THOP1: variants seen among roughly 807,000 people sequenced by gnomAD.
The protein encoded by THOP1 is thimet oligopeptidase 1, also known as thimet oligopeptidase.
In THOP1, 49 loss-of-function variants were observed where a neutral mutation model predicts 71.8. The observed-to-expected ratio is 0.68, with a 90% CI of 0.54 to 0.87. The LOEUF (loss-of-function observed/expected upper bound fraction) is 0.87. THOP1 is among the 40% of genes least tolerant of loss of function. The pLI is 0.00. For missense variants in THOP1, 843 were observed against 975.6 expected (o/e 0.86, Z 1.81); for synonymous variants, 426 against 421.5 (o/e 1.01, Z -0.13).
In THOP1 at chr19:2,790,628, A is replaced by G. The variant is rs148085682; in HGVS notation, c.224A>G (p.Tyr75Cys). 52 of 1,557,394 alleles carry G rather than the reference A, an allele frequency of 3.3e-5. No homozygotes were observed. The highest frequency in any genetic ancestry group is 4.4e-5 in the Non-Finnish European group (51 of 1,153,602). The change falls in exon 2 of 13, where the codon TAC becomes TGC. Residue 75 changes from tyrosine (Y) to cysteine (C), a missense_variant. Transcript: ENST00000307741. ...LKALADVEVTYTVQRNILDFP... is the reference protein window; with the variant it reads ...LKALADVEVTCTVQRNILDFP... ...GCGCTGGCCGATGTGGAGGTCACCT[A>G]CACAGGTAAGTCCCAGGCAGGGTCT...
In THOP1 at chr19:2,790,586, A is replaced by C; in HGVS notation, c.182A>C (p.Tyr61Ser). The change falls in exon 2 of 13, where the codon TAC becomes TCC. Residue 61 changes from tyrosine (Y) to serine (S), a missense_variant. By Grantham distance (144) the Tyr-to-Ser change is moderately radical (BLOSUM62 -2). Transcript: ENST00000307741. ...ACCCAGGAGTTTGAGGACGTGTCCT[A>C]CGAGAGCACGCTCAAGGCGCTGGCC... ...VGTQEFEDVS[Y>S]ESTLKALADV... is the part of the protein sequence containing the mutation. 6.2e-7 allele frequency: 1 copy of C among 1,601,124 alleles called. No individual in the cohort carries two copies.
In THOP1 at chr19:2,811,668, G is replaced by A. The variant is rs552266179; in HGVS notation, c.1842G>A (p.Trp614Ter). ...GYDAQYYGYL[W>*]SEVYSMDMFH... ...ACGCCCAGTACTACGGGTACCTGTG[G>A]AGCGAGGTGTATTCCATGGACATGT... The change falls in exon 12 of 13, where the codon TGG (tryptophan) becomes TGA (stop). Residue 614 changes from tryptophan (W) to a stop codon, truncating the protein, a stop_gained. Transcript: ENST00000307741. LOFTEE classifies it high-confidence loss of function. 1 of 1,613,484 alleles carries A rather than the reference G, an allele frequency of 6.2e-7. No individual in the cohort carries two copies. The highest frequency in any genetic ancestry group is 1.3e-5 in the African/African-American group (1 of 75,052).
At chr19:2,788,689 C>T (rs1454617544) in intron 1 of THOP1, among the ~76,000 whole-genome samples, 1 of 151,732 alleles carries the variant, frequency 6.6e-6, no homozygotes, top group Non-Finnish European at 1.5e-5. Flanking sequence ...ATGCTGGCCA[C>T]ACTGGTCTTG....
At chr19:2,807,354 C>A (rs922697173) in intron 7 of THOP1, 88 bp from the exon 8 acceptor site, 14 of 1,463,394 alleles carry the variant, frequency 9.6e-6, no homozygotes, top group Non-Finnish European at 1.3e-5. Flanking sequence ...AATGGGGAGC[C>A]TGACGAAGTC....
At position 2,790,711 on chromosome 19, in the gene THOP1, G is replaced by T; in HGVS notation, c.229+78G>T. ...ACCGCAGGCGGGAGTAGCCCAGCCC[G>T]TGGAGCCGGTTCAGAACCTGGCTTG... On this transcript the variant is annotated intron_variant, in intron 2 of 12. Coordinates refer to ENST00000307741, the MANE Select transcript of THOP1 (RefSeq NM_003249.5). 5 of 1,338,512 alleles carry T rather than the reference G, an allele frequency of 3.7e-6. No individual in the cohort carries two copies. In the South Asian group the frequency reaches 8.0e-5, roughly 21 times the overall value. The allele number at this position is 1,338,512 out of a possible 1,614,324, so 82.9% of individuals were successfully genotyped here.
chr19:2,807,761 G>A lies in THOP1; in HGVS notation c.1206G>A (p.Ala402=), dbSNP rs567921382. ...TGCGGCTCTACACCGCGAGGGACGCGGCCTCGGGGGAGGTGGTCGGCAAGT... is the reference window on the plus strand; with the variant it reads ...TGCGGCTCTACACCGCGAGGGACGCAGCCTCGGGGGAGGTGGTCGGCAAGT... ...EDVRLYTARD[A]ASGEVVGKFY... The change falls in exon 8 of 13, where the codon GCG becomes GCA. Residue 402 remains alanine, a synonymous_variant. Coordinates refer to ENST00000307741, the MANE Select transcript of THOP1 (RefSeq NM_003249.5). The A allele has an allele frequency of 9.7e-6, 15 of 1,547,424 alleles. No individual in the cohort carries two copies. The highest frequency in any genetic ancestry group is 6.1e-5 in the South Asian group (5 of 82,446).
chr19:2,812,396 C>A (rs1916500580), intron 12 of THOP1: 1 of 1,493,934 alleles, frequency 6.7e-7, no homozygotes. Context: ...ACCAAGCAGG[C>A]ACTCAGCTGC....
chr19:2,808,174 G>C, intron 8 of THOP1, 69 bp from the exon 9 acceptor site: 4 of 1,494,590 alleles, frequency 2.7e-6, no homozygotes, highest in Middle Eastern at 4.6e-4. Context: ...GTGGGCTGAG[G>C]GATGCGGAGT....
rs370199068 is a variant in THOP1 at position 2,811,738 on chromosome 19, C to T, written c.1908+4C>T. On this transcript the variant is annotated splice_donor_region_variant and intron_variant, in intron 12 of 12. Coordinates refer to ENST00000307741, the MANE Select transcript of THOP1 (RefSeq NM_003249.5). ...GGAGGGTGTCCTGAACAGCAAGGTA[C>T]GCGGGGACTGGGGACAGGGAGGGCG... 27 of 1,574,130 alleles carry T rather than the reference C, an allele frequency of 1.7e-5. No individual in the cohort carries two copies. Among genetic ancestry groups the T allele is most frequent in the Non-Finnish European group, 2.3e-5 (27 of 1,157,878 alleles).
Position 2,806,992 on chromosome 19 carries a change from G to T in THOP1, c.826G>T (p.Ala276Ser). Residue 276 changes from alanine to serine, a missense_variant, in exon 7 of 13, where the codon GCC becomes TCC. Physicochemically the swap from Ala to Ser is moderately conservative, Grantham distance 99. Transcript: ENST00000307741. ...CCGCCTGCTGGGGTTCCACACGCAC[G>T]CCGACTATGTCCTGGAGATGAACAT... ...KSRLLGFHTHADYVLEMNMAK... is the reference protein window; with the variant it reads ...KSRLLGFHTHSDYVLEMNMAK... 1 of 1,613,012 alleles carries T rather than the reference G, an allele frequency of 6.2e-7. No individual in the cohort carries two copies. The highest frequency in any genetic ancestry group is 1.1e-5 in the South Asian group (1 of 91,054).
intron 1 of THOP1, 42 bp from the exon 2 acceptor site, chr19:2,790,379 C>A (rs376270765): frequency 1.3e-6 from 2 of 1,487,202 alleles, no homozygotes; most frequent in Non-Finnish European, 1.8e-6. Flanking sequence ...CTAACTGAAC[C>A]GAAAGCAGAC....
At position 2,801,779 on chromosome 19, in the gene THOP1, G is replaced by A. The variant is rs1916148620; in HGVS notation, c.589+1988G>A. The stretch of plus-strand genomic sequence containing the variant: ...CCAGGGTGTCACATGGCAAGGGGAG[G>A]GGGCTAAGCGAGCCGGTTCCACCCA... On this transcript the variant is annotated intron_variant, in intron 5 of 12. Transcript: ENST00000307741. This position sits in a 1 kb window ranked among gnomAD's most constrained non-coding sequence, Gnocchi z 5.1. Among the ~76,000 whole-genome samples the A allele has an allele frequency of 1.3e-5, 2 of 152,116 alleles. No homozygotes were observed. Among genetic ancestry groups the A allele is most frequent in the South Asian group, 4.1e-4 (2 of 4,824 alleles).
intron 2 of THOP1, among the ~76,000 whole-genome samples, chr19:2,794,397 T>C (rs1347412552): frequency 1.3e-5 from 2 of 152,224 alleles, no homozygotes; most frequent in African/African-American, 2.4e-5. Flanking sequence ...AAGTAGTTTA[T>C]GCATTTAAAT....
intron 5 of THOP1, among the ~76,000 whole-genome samples, chr19:2,800,699 G>A (rs577662065): frequency 6.6e-6 from 1 of 152,222 alleles, no homozygotes; most frequent in Non-Finnish European, 1.5e-5. Flanking sequence ...CAGCCCTCCC[G>A]TGTCTCGGGC....
intron 2 of THOP1, among the ~76,000 whole-genome samples, chr19:2,791,489 G>A (rs987152648): frequency 1.3e-5 from 2 of 152,222 alleles, no homozygotes; most frequent in Non-Finnish European, 2.9e-5. Flanking sequence ...GCCAGGGGCT[G>A]GAGGGAGGGC....
chr19:2,806,568 C>A (rs995616357), intron 6 of THOP1: 1 of 324,734 alleles, frequency 3.1e-6, no homozygotes, highest in South Asian at 3.6e-5. Flanking sequence ...TTGCTGGTGG[C>A]GATAGGCAGA....
At chr19:2,803,054 G>A (rs373695614) in intron 5 of THOP1, among the ~76,000 whole-genome samples, 18 of 152,176 alleles carry the variant, frequency 1.2e-4, no homozygotes, top group African/African-American at 2.7e-4. Context: ...CCGCAGGCTC[G>A]GCCTCTGAGC....
chr19:2,809,984 C>T lies in THOP1; in HGVS notation c.1456-320C>T, dbSNP rs889343567. On this transcript the variant is annotated intron_variant, in intron 9 of 12. Transcript: ENST00000307741. ...CACAGCGTCCCCACCCGGACCTGGC[C>T]GTCCCCAGGTCCCAACCCCTCGGGG... 7.5e-5 allele frequency: 31 copies of T among 414,098 alleles called. No individual in the cohort carries two copies. The East Asian group carries it at 1.0e-3, about 14-fold the overall frequency. The allele number at this position is 414,098 out of a possible 1,614,324, so 25.7% of individuals were successfully genotyped here.
intron 5 of THOP1, 127 bp downstream of exon 5, chr19:2,799,918 T>C: frequency 2.4e-6 from 2 of 819,642 alleles, no homozygotes; most frequent in South Asian, 1.7e-5. Flanking sequence ...GAGGCCGAAG[T>C]ACGTGGACCT....
Sources: allele counts gnomAD v4.1 joint callset (sites outside exome capture counted in the v4.1 genomes callset), GRCh38; gene constraint gnomAD v4.1.1; non-coding constraint Gnocchi (gnomAD v3.1); transcripts MANE v1.5; gene names NCBI Gene and HGNC (gene_info 2026-07-23, HGNC 2026-07-21).